The following TYW1B variants were observed in gnomAD, a reference collection of about 807,000 sequenced individuals.
TYW1B encodes the protein tRNA-yW synthesizing protein 1 homolog B, also known as S-adenosyl-L-methionine-dependent tRNA 4-demethylwyosine synthase TYW1B.
TYW1B carries 73 observed loss-of-function variants against 86.9 expected under a neutral mutation model. The observed-to-expected ratio is 0.84, with a 90% confidence interval of 0.70 to 1.02. TYW1B has a LOEUF of 1.02. Ranked by LOEUF, TYW1B falls within the 50% of genes least tolerant of loss-of-function variation. TYW1B has a pLI of 0.00. For missense variants in TYW1B, 637 were observed against 827.4 expected (o/e 0.77, Z 2.82); for synonymous variants, 248 against 292.8 (o/e 0.85, Z 1.56).
intron 13 of TYW1B, among the ~76,000 whole-genome samples, chr7:72,594,352 A>C (rs1202253988): frequency 6.6e-6 from 1 of 152,024 alleles, no homozygotes; most frequent in African/African-American, 2.4e-5. Flanking sequence ...AAAAAAAAAA[A>C]AAACTGTAAG....
At chr7:72,604,980 A>G (rs1554434515) in intron 13 of TYW1B, among the ~76,000 whole-genome samples, 1 of 152,168 alleles carries the variant, frequency 6.6e-6, no homozygotes, top group Non-Finnish European at 1.5e-5. Context: ...CATACTTACT[A>G]TCCTAGCCGC....
At chr7:72,582,396 G>C (rs1811176252) in intron 13 of TYW1B, among the ~76,000 whole-genome samples, 1 of 152,154 alleles carries the variant, frequency 6.6e-6, no homozygotes, top group Admixed American at 6.5e-5. Flanking sequence ...CTCAATTACT[G>C]CAAGGAAAGC....
At chr7:72,653,139 G>A (rs1187434834) in intron 11 of TYW1B, among the ~76,000 whole-genome samples, 4 of 152,154 alleles carry the variant, frequency 2.6e-5, no homozygotes, top group Admixed American at 6.6e-5. Context: ...AAAGCGAGCA[G>A]AGGAAAAGAA....
chr7:72,607,347 G>A (rs1216471960), intron 13 of TYW1B, among the ~76,000 whole-genome samples: 1 of 148,024 alleles, frequency 6.8e-6, no homozygotes, highest in African/African-American at 2.5e-5. Flanking sequence ...AGCCAAGATT[G>A]TGCCACTGGA....
At chr7:72,792,060 T>C (rs1463442260) in intron 6 of TYW1B, among the ~76,000 whole-genome samples, 1 of 152,176 alleles carries the variant, frequency 6.6e-6, no homozygotes, top group Non-Finnish European at 1.5e-5. Flanking sequence ...CCAGGCGCAG[T>C]GGCTCACGCT....
At chr7:72,667,139 C>CA (rs1203949451) in intron 11 of TYW1B, among the ~76,000 whole-genome samples, 2 of 143,626 alleles carry the variant, frequency 1.4e-5, no homozygotes, top group African/African-American at 5.1e-5. Flanking sequence ...CAACTGAAAA[C>CA]AAAAAAACAA....
rs185687984 is a variant in TYW1B, at chr7:72,675,085, A to G, written c.1506+19602T>C. ...GTTTGCTTGAAACAACCGATTCCCA[A>G]TGAAAAACCTGTAGGAAAATGACAA... On this transcript the variant is annotated intron_variant, in intron 11 of 13. Transcript: ENST00000620995. Among the ~76,000 whole-genome samples, 362 of 151,922 alleles carry G rather than the reference A, an allele frequency of 2.4e-3. 1 individual carries two copies. The highest frequency in any genetic ancestry group is 7.5e-3 in the African/African-American group (309 of 41,428).
intron 11 of TYW1B, among the ~76,000 whole-genome samples, chr7:72,632,472 TAA>T (rs1312175051): frequency 8.3e-6 from 1 of 120,486 alleles, no homozygotes; most frequent in Non-Finnish European, 1.6e-5. Flanking sequence ...CATATATATA[TAA>T]AATATATATA....
chr7:72,773,227 C>G (rs576213120), intron 7 of TYW1B, among the ~76,000 whole-genome samples: 2 of 152,252 alleles, frequency 1.3e-5, no homozygotes, highest in Admixed American at 6.5e-5. Flanking sequence ...TTGACCACAG[C>G]ACAAATATAA....
chr7:72,658,109 T>A (rs1459211989), intron 11 of TYW1B, among the ~76,000 whole-genome samples: 4 of 151,956 alleles, frequency 2.6e-5, no homozygotes, highest in African/African-American at 7.2e-5. Context: ...TACAAAAAAA[T>A]TAGCCAGGTG....
intron 13 of TYW1B, among the ~76,000 whole-genome samples, chr7:72,593,061 G>C (rs557703796): frequency 6.6e-6 from 1 of 152,242 alleles, no homozygotes; most frequent in East Asian, 1.9e-4. Flanking sequence ...CCAGCACTTT[G>C]GGAGGCCAAG....
At chr7:72,718,162 T>A (rs1439372401) in intron 9 of TYW1B, among the ~76,000 whole-genome samples, 2 of 152,032 alleles carry the variant, frequency 1.3e-5, no homozygotes, top group Non-Finnish European at 2.9e-5. Context: ...AACAAAATCA[T>A]GTCCTTTACA....
At chr7:72,628,860 C>A (rs372544339) in intron 12 of TYW1B, 27 bp downstream of exon 12, 5 of 1,562,716 alleles carry the variant, frequency 3.2e-6, no homozygotes, top group Non-Finnish European at 4.3e-6. Context: ...CACTCCACCA[C>A]GGCCACCAGA....
At chr7:72,618,227 A>ATTTTTTTTTTTTTTT (rs869158136) in intron 12 of TYW1B, among the ~76,000 whole-genome samples, 8 of 103,940 alleles carry the variant, frequency 7.7e-5, no homozygotes, top group Admixed American at 2.4e-4. Flanking sequence ...ATGACACTGA[A>ATTTTTTTTTTTTTTT]TTTTTTTTTT....
intron 13 of TYW1B, among the ~76,000 whole-genome samples, chr7:72,614,547 C>T (rs1226382358): frequency 6.6e-6 from 1 of 151,638 alleles, no homozygotes; most frequent in Admixed American, 6.6e-5. Flanking sequence ...GCAGGAGAAT[C>T]GCTTGAAGGG....
At chr7:72,700,285 C>T (rs1814434503) in intron 10 of TYW1B, among the ~76,000 whole-genome samples, 1 of 148,598 alleles carries the variant, frequency 6.7e-6, no homozygotes, top group African/African-American at 2.5e-5. Flanking sequence ...ACCGATTCTC[C>T]TGCCTCAGCC....
chr7:72,588,292 A>T (rs1811321141), intron 13 of TYW1B, among the ~76,000 whole-genome samples: 1 of 152,228 alleles, frequency 6.6e-6, no homozygotes, highest in African/African-American at 2.4e-5. Flanking sequence ...ATTTTGTTGG[A>T]GTGGAGCTAA....
At chr7:72,641,861 TTTTGCAGGC>T (rs1169930726) in intron 11 of TYW1B, among the ~76,000 whole-genome samples, 1 of 152,178 alleles carries the variant, frequency 6.6e-6, no homozygotes, top group Non-Finnish European at 1.5e-5. Context: ...CAGCTGCCTG[TTTTGCAGGC>T]TTTAAAAGCT....
chr7:72,801,334 A>C (rs1320430162), intron 6 of TYW1B, among the ~76,000 whole-genome samples: 1 of 152,194 alleles, frequency 6.6e-6, no homozygotes, highest in Admixed American at 6.5e-5. Context: ...ATTTCAAAAA[A>C]ATAAAAAATA....
Sources: allele counts gnomAD v4.1 joint callset (sites outside exome capture counted in the v4.1 genomes callset), GRCh38; gene constraint gnomAD v4.1.1; transcripts MANE v1.5; gene names NCBI Gene and HGNC (gene_info 2026-07-23, HGNC 2026-07-21).